The following ARHGAP12 variants were observed in gnomAD, a reference collection of about 807,000 sequenced individuals.
ARHGAP12 encodes the protein Rho GTPase activating protein 12, also known as rho GTPase-activating protein 12.
ARHGAP12 carries 64 observed loss-of-function variants against 108.6 expected under a neutral mutation model. That is an observed-to-expected ratio of 0.59 (90% CI 0.48 to 0.73). The LOEUF (loss-of-function observed/expected upper bound fraction) is 0.73, where lower values mean the gene tolerates loss of function less well. Among genes scored for constraint, ARHGAP12 ranks in the 30% least tolerant of loss-of-function variants. The probability of loss-of-function intolerance (pLI) is 0.00; values close to 1 mark genes in which losing one functional copy is unlikely to be tolerated. For synonymous variants in ARHGAP12, 312 were observed against 337.2 expected (o/e 0.93, Z 0.82); for missense variants, 940 against 1,005.9 (o/e 0.93, Z 0.89).
In ARHGAP12 at chr10:31,814,374, T is replaced by C; in HGVS notation, c.1732-13A>G. The C allele has an allele frequency of 6.3e-7, 1 of 1,585,434 alleles. No homozygotes were observed. The highest frequency in any genetic ancestry group is 2.2e-5 in the East Asian group (1 of 44,718). Reference sequence around the variant, plus strand: ...CAGTTTCTACTGCCTATTGGTTAGATATTTCCCAAACACATATTACACTTC... The same window carrying C: ...CAGTTTCTACTGCCTATTGGTTAGACATTTCCCAAACACATATTACACTTC... On this transcript the variant is annotated splice_polypyrimidine_tract_variant and intron_variant, in intron 13 of 19. Transcript: ENST00000344936.
chr10:31,895,388 T>TA (rs1838637375), intron 3 of ARHGAP12, among the ~76,000 whole-genome samples: 1 of 152,018 alleles, frequency 6.6e-6, no homozygotes, highest in Non-Finnish European at 1.5e-5. Flanking sequence ...ACAAAGAACT[T>TA]AAACAAATTT....
At position 31,843,593 on chromosome 10, in the gene ARHGAP12, C is replaced by G. The variant is rs763810190; in HGVS notation, c.1171-7G>C. On this transcript the variant is annotated splice_region_variant and splice_polypyrimidine_tract_variant and intron_variant, in intron 6 of 19. Transcript: ENST00000344936. ...GCTGGGATGAAGCATTATACTAAAACAAAACAAAGCAAAAAACACAAAAAA... is the reference window on the plus strand; with the variant it reads ...GCTGGGATGAAGCATTATACTAAAAGAAAACAAAGCAAAAAACACAAAAAA... 3 of 1,575,392 alleles carry G rather than the reference C, an allele frequency of 1.9e-6. No homozygotes were observed. In the East Asian group the frequency reaches 6.8e-5, roughly 35 times the overall value.
intron 3 of ARHGAP12, among the ~76,000 whole-genome samples, chr10:31,867,621 T>G (rs1457446929): frequency 2.0e-5 from 3 of 152,190 alleles, no homozygotes; most frequent in Non-Finnish European, 4.4e-5. Flanking sequence ...CAACTCTAGT[T>G]TACTGCTGGT....
intron 3 of ARHGAP12, among the ~76,000 whole-genome samples, chr10:31,862,494 A>G (rs1403995349): frequency 1.3e-5 from 2 of 152,168 alleles, no homozygotes; most frequent in Non-Finnish European, 2.9e-5. Flanking sequence ...GTTGCTGAAG[A>G]AAAAAAACAC....
intron 1 of ARHGAP12, among the ~76,000 whole-genome samples, chr10:31,924,666 A>G (rs1424657990): frequency 6.6e-6 from 1 of 152,082 alleles, no homozygotes; most frequent in East Asian, 1.9e-4. Flanking sequence ...AAATATAGGA[A>G]ATTTTCAGCC....
rs1836162827 is a variant in ARHGAP12, at chr10:31,839,372, T to C, written c.1372-53A>G. ...GTCATAGTATTGTCTGGGAATTTTA[T>C]ATTTATTTTTAAAAACAAATATAAG... is the stretch of plus-strand genomic sequence containing the variant. On this transcript the variant is annotated intron_variant, in intron 8 of 19. Coordinates refer to ENST00000344936, the MANE Select transcript of ARHGAP12 (RefSeq NM_018287.7). 8 of 1,533,134 alleles carry C rather than the reference T, an allele frequency of 5.2e-6. No individual in the cohort carries two copies. In the South Asian group the frequency reaches 7.3e-5, roughly 14 times the overall value. The allele number at this position is 1,533,134 out of a possible 1,614,324, so 95.0% of individuals were successfully genotyped here.
chr10:31,818,765 T>TCTCTC (rs1835302015), intron 12 of ARHGAP12, among the ~76,000 whole-genome samples: 1 of 152,182 alleles, frequency 6.6e-6, no homozygotes, highest in Non-Finnish European at 1.5e-5. Flanking sequence ...ATAACTAGAT[T>TCTCTC]CTCTCCTTCA....
Position 31,807,740 on chromosome 10 carries a change from C to CGTAAT in ARHGAP12, c.2458_2459insATTAC (p.Gly820AspfsTer5). Reference sequence around the variant, plus strand: ...GTACACAGTATGAACTGCTATATTACCAGTCTCTTTTTCTGGTTTTAATAG... The same window carrying CGTAAT: ...GTACACAGTATGAACTGCTATATTACGTAATCAGTCTCTTTTTCTGGTTTTAATAG... On this transcript the variant is annotated frameshift_variant, in exon 20 of 20. Coordinates refer to ENST00000344936, the MANE Select transcript of ARHGAP12 (RefSeq NM_018287.7). LOFTEE classifies it high-confidence loss of function. The CGTAAT allele has an allele frequency of 6.2e-7, 1 of 1,607,310 alleles. No homozygotes were observed. The highest frequency in any genetic ancestry group is 8.5e-7 in the Non-Finnish European group (1 of 1,177,146).
At chr10:31,888,815 G>A (rs116971751) in intron 3 of ARHGAP12, among the ~76,000 whole-genome samples, 1 of 151,994 alleles carries the variant, frequency 6.6e-6, no homozygotes, top group African/African-American at 2.4e-5. Context: ...AAAAGGTTAA[G>A]AAAAAGAGAG....
At chr10:31,841,298 C>G (rs1278906967) in intron 7 of ARHGAP12, among the ~76,000 whole-genome samples, 1 of 152,008 alleles carries the variant, frequency 6.6e-6, no homozygotes. Flanking sequence ...GGCTACCCTT[C>G]CAAGGTTATC....
At chr10:31,860,959 G>A (rs945467556) in intron 4 of ARHGAP12, among the ~76,000 whole-genome samples, 2 of 152,172 alleles carry the variant, frequency 1.3e-5, no homozygotes, top group African/African-American at 4.8e-5. Context: ...TGAGGCTAAG[G>A]TGGGAGGATC....
chr10:31,883,038 G>A (rs1265688691), intron 3 of ARHGAP12, among the ~76,000 whole-genome samples: 1 of 152,076 alleles, frequency 6.6e-6, no homozygotes, highest in Non-Finnish European at 1.5e-5. Context: ...GCTCACACCT[G>A]TAATCCCAGC....
At chr10:31,865,559 G>A (rs1413039914) in intron 3 of ARHGAP12, among the ~76,000 whole-genome samples, 1 of 151,890 alleles carries the variant, frequency 6.6e-6, no homozygotes, top group Non-Finnish European at 1.5e-5. Context: ...TATATAAATT[G>A]GGAACTCAGT....
At chr10:31,807,964 A>G in intron 19 of ARHGAP12, 132 bp from the exon 20 acceptor site, 1 of 570,486 alleles carries the variant, frequency 1.8e-6, no homozygotes, top group Non-Finnish European at 2.7e-6. Context: ...TGATGCATAA[A>G]CTATTTAACC....
intron 6 of ARHGAP12, among the ~76,000 whole-genome samples, chr10:31,851,177 T>C (rs1443143915): frequency 6.6e-6 from 1 of 152,088 alleles, no homozygotes; most frequent in Non-Finnish European, 1.5e-5. Context: ...TAAAAAACAA[T>C]CCTATTGTAT....
At chr10:31,880,545 T>A (rs1837908382) in intron 3 of ARHGAP12, among the ~76,000 whole-genome samples, 1 of 152,164 alleles carries the variant, frequency 6.6e-6, no homozygotes, top group Non-Finnish European at 1.5e-5. Context: ...ATTCTACTTT[T>A]GAATGCCCTG....
At chr10:31,927,239 T>TACTGTCCCAGG (rs145613135) in intron 1 of ARHGAP12, among the ~76,000 whole-genome samples, 2 of 151,596 alleles carry the variant, frequency 1.3e-5, no homozygotes, top group African/African-American at 2.4e-5. Flanking sequence ...AAAATAAAAA[T>TACTGTCCCAGG]AGCCAAAATG....
intron 1 of ARHGAP12, among the ~76,000 whole-genome samples, chr10:31,917,790 A>G (rs968220743): frequency 6.6e-6 from 1 of 152,228 alleles, no homozygotes; most frequent in Non-Finnish European, 1.5e-5. Context: ...TAATGTTTAA[A>G]TTATGCCAGT....
At chr10:31,824,312 T>C (rs1009352412) in intron 11 of ARHGAP12, among the ~76,000 whole-genome samples, 8 of 152,294 alleles carry the variant, frequency 5.3e-5, no homozygotes, top group African/African-American at 1.7e-4. Flanking sequence ...ATTATACCTG[T>C]CTGAACTGAT....
Sources: gnomAD v4.1 joint callset for allele counts (sites outside exome capture counted in the v4.1 genomes callset) on GRCh38, gnomAD v4.1.1 for gene constraint, MANE v1.5 for transcripts, NCBI Gene and HGNC (gene_info 2026-07-23, HGNC 2026-07-21) for gene names.